ALDH1A1: variants seen among roughly 807,000 people sequenced by gnomAD.
ALDH1A1 encodes the protein aldehyde dehydrogenase 1A1.
Under a neutral mutation model 62.1 loss-of-function variants are expected in ALDH1A1, and 19 were observed. The observed-to-expected ratio is 0.31, with a 90% confidence interval of 0.21 to 0.45. ALDH1A1 has a LOEUF of 0.45. Among genes scored for constraint, ALDH1A1 ranks in the 20% least tolerant of loss-of-function variants. The pLI, the probability that ALDH1A1 is intolerant of heterozygous loss-of-function variation, is 1.00. For synonymous variants in ALDH1A1, 231 were observed against 215.9 expected, an observed-to-expected ratio of 1.07 and a Z score of -0.61; for missense variants, 521 against 607.1, an observed-to-expected ratio of 0.86 and a Z score of 1.49.
chr9:72,952,502 T>C (rs1830555568), intron 1 of ALDH1A1, among the ~76,000 whole-genome samples: 1 of 151,972 alleles, frequency 6.6e-6, no homozygotes, highest in Admixed American at 6.6e-5. Context: ...TTATTAAACA[T>C]ATTGGAAAGT....
chr9:72,907,227 C>T (rs1400526537), intron 11 of ALDH1A1, among the ~76,000 whole-genome samples: 3 of 152,134 alleles, frequency 2.0e-5, no homozygotes, highest in African/African-American at 7.2e-5. Flanking sequence ...GCAGTATTGT[C>T]TCAGCTTTGT....
chr9:72,931,094 A>C lies in ALDH1A1; in HGVS notation c.172-75T>G, dbSNP rs1830276439. On this transcript the variant is annotated intron_variant, in intron 2 of 12. Transcript: ENST00000297785. ...CAAATTTAATGCCAATAACCCTGTA[A>C]AATAGACTGTAGTGCCTCATAAGCA... 52 of 1,558,934 alleles carry C rather than the reference A, an allele frequency of 3.3e-5. No homozygotes were observed. In the South Asian group the frequency reaches 5.7e-4, roughly 17 times the overall value.
At chr9:72,925,362 T>C (rs75995955) in intron 6 of ALDH1A1, 122 bp downstream of exon 6, 4 of 859,764 alleles carry the variant, frequency 4.7e-6, no homozygotes, top group Non-Finnish European at 6.4e-6. Flanking sequence ...CTAAATGTAT[T>C]CCCCCCACTG....
intron 3 of ALDH1A1, 93 bp from the exon 4 acceptor site, chr9:72,929,114 T>G: frequency 2.2e-6 from 3 of 1,391,254 alleles, no homozygotes; most frequent in Non-Finnish European, 2.9e-6. Flanking sequence ...TGCTAGGGAA[T>G]TTTTGAAATA....
intron 7 of ALDH1A1, among the ~76,000 whole-genome samples, chr9:72,921,501 T>A (rs1830142412): frequency 8.7e-6 from 1 of 114,486 alleles, no homozygotes; most frequent in Non-Finnish European, 1.8e-5. Context: ...TCACATTTAA[T>A]TCTTTTTTTT....
chr9:72,942,008 A>C (rs1353214700), intron 1 of ALDH1A1, among the ~76,000 whole-genome samples: 1 of 152,088 alleles, frequency 6.6e-6, no homozygotes, highest in East Asian at 1.9e-4. Flanking sequence ...GTATCAAGAA[A>C]CCCTATCAGA....
intron 2 of ALDH1A1, among the ~76,000 whole-genome samples, chr9:72,935,452 A>G (rs1219032592): frequency 6.6e-6 from 1 of 152,206 alleles, no homozygotes; most frequent in Non-Finnish European, 1.5e-5. Context: ...GAACTCTTCC[A>G]TCACTCCCAG....
chr9:72,932,560 C>G (rs780351976), intron 2 of ALDH1A1, among the ~76,000 whole-genome samples: 2 of 152,188 alleles, frequency 1.3e-5, no homozygotes, highest in African/African-American at 4.8e-5. Context: ...ACATCACACA[C>G]TGATATATCT....
At chr9:72,912,560 G>T (rs940419353) in intron 9 of ALDH1A1, among the ~76,000 whole-genome samples, 1 of 152,182 alleles carries the variant, frequency 6.6e-6, no homozygotes, top group African/African-American at 2.4e-5. Flanking sequence ...GATGCTTTAA[G>T]ACTGTTCTTA....
intron 7 of ALDH1A1, among the ~76,000 whole-genome samples, chr9:72,920,041 T>C (rs565168431): frequency 6.0e-4 from 92 of 152,296 alleles, no homozygotes; most frequent in Non-Finnish European, 1.1e-3. Flanking sequence ...TTAAAGGCAA[T>C]TCACTATTTT....
At chr9:72,916,154 T>C (rs1830060081) in intron 9 of ALDH1A1, among the ~76,000 whole-genome samples, 1 of 152,092 alleles carries the variant, frequency 6.6e-6, no homozygotes, top group Admixed American at 6.6e-5. Flanking sequence ...CAACTTAAAA[T>C]ATCCCTAGAC....
chr9:72,934,556 CCTT>C (rs1830325556), intron 2 of ALDH1A1, among the ~76,000 whole-genome samples: 1 of 152,124 alleles, frequency 6.6e-6, no homozygotes, highest in South Asian at 2.1e-4. Flanking sequence ...TGACCCAACT[CCTT>C]CTTACTTTTG....
chr9:72,924,126 A>G lies in ALDH1A1; in HGVS notation c.640T>C (p.Phe214Leu). Residue 214 changes from phenylalanine to leucine, a missense_variant, in exon 7 of 13, where the codon TTT becomes CTT. Physicochemically the swap from Phe to Leu is conservative, Grantham distance 22. Coordinates refer to ENST00000297785, the MANE Select transcript of ALDH1A1 (RefSeq NM_000689.5). The part of the protein sequence containing the change: ...HVASLIKEAG[F>L]PPGVVNIVPG... ...ACAATATTCACTACTCCAGGAGGAA[A>G]CCCTGCCTAAAAGATAAAAAGTTTA... is the stretch of plus-strand genomic sequence containing the variant. 3 of 1,600,404 alleles carry G rather than the reference A, an allele frequency of 1.9e-6. No homozygotes were observed. The highest frequency in any genetic ancestry group is 2.6e-6 in the Non-Finnish European group (3 of 1,174,900).
intron 3 of ALDH1A1, among the ~76,000 whole-genome samples, chr9:72,930,381 A>G (rs1157244740): frequency 3.9e-5 from 6 of 152,214 alleles, no homozygotes; most frequent in Admixed American, 3.3e-4. Flanking sequence ...GTGAACAGAC[A>G]CATTTCAGGA....
At chr9:72,928,069 T>TTGGCAGGGCGCGGTGGCTCACGC (rs1261560804) in intron 4 of ALDH1A1, among the ~76,000 whole-genome samples, 1 of 146,290 alleles carries the variant, frequency 6.8e-6, no homozygotes, top group South Asian at 2.3e-4. Flanking sequence ...TAGCCACATT[T>TTGGCAGGGCGCGGTGGCTCACGC]CTTAGTACCA....
At chr9:72,935,854 T>C (rs1034044813) in intron 2 of ALDH1A1, among the ~76,000 whole-genome samples, 3 of 152,228 alleles carry the variant, frequency 2.0e-5, no homozygotes, top group Non-Finnish European at 2.9e-5. Flanking sequence ...TTAGGTTTAC[T>C]GTGACTATGT....
At chr9:72,948,993 AT>A (rs1830506409) in intron 1 of ALDH1A1, among the ~76,000 whole-genome samples, 1 of 151,900 alleles carries the variant, frequency 6.6e-6, no homozygotes, top group Non-Finnish European at 1.5e-5. Flanking sequence ...GGGACGTATT[AT>A]TCAATGATTC....
chr9:72,951,342 C>T (rs1830542593), intron 1 of ALDH1A1, among the ~76,000 whole-genome samples: 1 of 151,722 alleles, frequency 6.6e-6, no homozygotes, highest in Non-Finnish European at 1.5e-5. Flanking sequence ...TTCTTACATG[C>T]TTAGTTAATG....
intron 1 of ALDH1A1, among the ~76,000 whole-genome samples, chr9:72,948,484 G>A (rs1830500118): frequency 6.6e-6 from 1 of 151,704 alleles, no homozygotes; most frequent in Non-Finnish European, 1.5e-5. Context: ...ATAGTTCTTT[G>A]AGCATAACAT....
Sources: allele counts gnomAD v4.1 joint callset (sites outside exome capture counted in the v4.1 genomes callset), GRCh38; gene constraint gnomAD v4.1.1; transcripts MANE v1.5; gene names NCBI Gene and HGNC (gene_info 2026-07-23, HGNC 2026-07-21).